PRIM2: variants seen among roughly 807,000 people sequenced by gnomAD.
PRIM2 encodes DNA primase subunit 2, also known as DNA primase large subunit.
In PRIM2, 39 loss-of-function variants were observed where a neutral mutation model predicts 67.3. That is an observed-to-expected ratio of 0.58 (90% CI 0.45 to 0.76). The LOEUF is 0.76. PRIM2 is among the 30% of genes least tolerant of loss of function. The pLI is 0.00. For missense variants in PRIM2, 398 were observed against 598.7 expected, an observed-to-expected ratio of 0.66 and a Z score of 3.50; for synonymous variants, 143 against 198.7, an observed-to-expected ratio of 0.72 and a Z score of 2.36.
chr6:57,459,876 A>C (rs1241178153), intron 7 of PRIM2, among the ~76,000 whole-genome samples: 1 of 152,184 alleles, frequency 6.6e-6, no homozygotes, highest in East Asian at 1.9e-4. Flanking sequence ...TATTTGACCA[A>C]CTAACTAGGC....
At chr6:57,514,779 G>T (rs1554348058) in intron 8 of PRIM2, among the ~76,000 whole-genome samples, 55 of 152,182 alleles carry the variant, frequency 3.6e-4, no homozygotes, top group South Asian at 1.0e-3. Flanking sequence ...ATGTACAAAA[G>T]AACTAATAGA....
chr6:57,434,503 T>C (rs1042327748), intron 7 of PRIM2, among the ~76,000 whole-genome samples: 18 of 152,070 alleles, frequency 1.2e-4, no homozygotes, highest in African/African-American at 4.1e-4. Context: ...AATTGACAAG[T>C]GATGCCATTC....
At chr6:57,243,766 C>T in the PRIM2 span, among the ~76,000 whole-genome samples, 1 of 152,156 alleles carries the variant, frequency 6.6e-6, no homozygotes, top group Non-Finnish European at 1.5e-5. Context: ...TGGGCCACAG[C>T]GCCTGGCCAG....
Position 57,537,453 on chromosome 6 carries a change from C to G in PRIM2, c.848C>G (p.Ser283Cys). The G allele has an allele frequency of 7.1e-7, 1 of 1,414,810 alleles. No individual in the cohort carries two copies. The highest frequency in any genetic ancestry group is 9.7e-7 in the Non-Finnish European group (1 of 1,028,786). 87.6% of individuals were successfully genotyped at this position (1,414,810 alleles called of 1,614,324 possible). ...TTTTTCTTGTAGCTTTCTACCAAATCCTTCCCACCTTGCATGCGTCAGTTA... is the reference window on the plus strand; with the variant it reads ...TTTTTCTTGTAGCTTTCTACCAAATGCTTCCCACCTTGCATGCGTCAGTTA... Reference protein sequence around the residue: ...LDQIDLLSTKSFPPCMRQLHK... With the variant: ...LDQIDLLSTKCFPPCMRQLHK... The change falls in exon 10 of 14, where the codon TCC becomes TGC. Residue 283 changes from serine to cysteine, a missense_variant. By Grantham distance (112) the Ser-to-Cys change is moderately radical. Coordinates refer to ENST00000615550, the MANE Select transcript of PRIM2 (RefSeq NM_000947.5).
At chr6:57,580,783 A>C (rs1776069407) in intron 10 of PRIM2, among the ~76,000 whole-genome samples, 1 of 152,232 alleles carries the variant, frequency 6.6e-6, no homozygotes, top group South Asian at 2.1e-4. Context: ...CTGAAATACC[A>C]AAGTGCCATA....
At chr6:57,270,882 T>G in the PRIM2 span, among the ~76,000 whole-genome samples, 1 of 152,126 alleles carries the variant, frequency 6.6e-6, no homozygotes, top group Admixed American at 6.5e-5. Flanking sequence ...TCTATTGAGA[T>G]AATCATGTGG....
chr6:57,341,977 G>T lies in PRIM2; in HGVS notation c.459+15932G>T, dbSNP rs73748714. On this transcript the variant is annotated intron_variant, in intron 5 of 13. Transcript: ENST00000615550. ...TCTTTTCGGTTTCCTCAATGCTGCA[G>T]TTGCTTTTATGTTGATCTACTTCTG... Among the ~76,000 whole-genome samples the T allele has an allele frequency of 2.0e-5, 3 of 152,200 alleles. No homozygotes were observed. The East Asian group carries it at 5.8e-4, about 29-fold the overall frequency.
At chr6:57,276,065 A>G in the PRIM2 span, among the ~76,000 whole-genome samples, 1 of 152,168 alleles carries the variant, frequency 6.6e-6, no homozygotes, top group Admixed American at 6.5e-5. Context: ...AAGTAGCAGT[A>G]GCATGCTAGA....
chr6:57,544,854 A>G (rs1472770471), intron 10 of PRIM2, among the ~76,000 whole-genome samples: 6 of 152,224 alleles, frequency 3.9e-5, no homozygotes, highest in African/African-American at 1.2e-4. Flanking sequence ...AAACTAATAC[A>G]TGGAAATTTC....
At chr6:57,308,023 C>T in the PRIM2 span, among the ~76,000 whole-genome samples, 48 of 152,152 alleles carry the variant, frequency 3.2e-4, no homozygotes, top group Admixed American at 5.9e-4. Context: ...TGTGATTCAT[C>T]CATGTCGATA....
chr6:57,590,127 C>A (rs1466999840), intron 10 of PRIM2, among the ~76,000 whole-genome samples: 1 of 152,210 alleles, frequency 6.6e-6, no homozygotes, highest in African/African-American at 2.4e-5. Context: ...TCAGAATCTT[C>A]ATCAAAATCT....
intron 7 of PRIM2, among the ~76,000 whole-genome samples, chr6:57,476,296 G>A (rs1263451143): frequency 3.3e-5 from 5 of 152,118 alleles, no homozygotes; most frequent in Admixed American, 1.3e-4. Flanking sequence ...GGTAAAATAC[G>A]TTCAGCTACC....
At chr6:57,291,909 T>G in the PRIM2 span, among the ~76,000 whole-genome samples, 1 of 152,178 alleles carries the variant, frequency 6.6e-6, no homozygotes, top group Admixed American at 6.5e-5. Context: ...AGGCAAAAAC[T>G]GGAAGCATTC....
intron 5 of PRIM2, among the ~76,000 whole-genome samples, chr6:57,362,206 C>T (rs1318203609): frequency 6.6e-6 from 1 of 152,046 alleles, no homozygotes; most frequent in African/African-American, 2.4e-5. Context: ...TCCCTTCACA[C>T]CAGGTAAAAA....
rs1554347823 is a variant in PRIM2 at position 57,512,700 on chromosome 6, C to T, written c.761+5246C>T. On this transcript the variant is annotated intron_variant, in intron 8 of 13. Coordinates refer to ENST00000615550, the MANE Select transcript of PRIM2 (RefSeq NM_000947.5). ...GCAACCTCCTCCTACTGGGTTCAAG[C>T]GATTCTTCTGCCTCAGCTTCCTAAG... 3.3e-4 allele frequency among the ~76,000 whole-genome samples: 50 copies of T among 152,198 alleles called. 1 individual carries two copies. The highest frequency in any genetic ancestry group is 1.2e-3 in the African/African-American group (48 of 41,520).
In PRIM2 at chr6:57,556,303, G is replaced by A. The variant is rs1311881374; in HGVS notation, c.1020+18678G>A. On this transcript the variant is annotated intron_variant, in intron 10 of 13. Coordinates refer to ENST00000615550, the MANE Select transcript of PRIM2 (RefSeq NM_000947.5). ...AACTAGAAAAACTATTTTAAAATTC[G>A]TATGGAACCAAAAAGGCCTTAGTAG... Among the ~76,000 whole-genome samples the A allele has an allele frequency of 4.6e-5, 7 of 152,116 alleles. No homozygotes were observed. The South Asian group carries it at 1.0e-3, about 23-fold the overall frequency.
intron 10 of PRIM2, among the ~76,000 whole-genome samples, chr6:57,550,793 C>A (rs1319088056): frequency 2.0e-5 from 3 of 152,118 alleles, no homozygotes; most frequent in Non-Finnish European, 4.4e-5. Flanking sequence ...TATGTATCTT[C>A]TTAAAAAGAT....
chr6:57,569,510 A>T (rs1245773697), intron 10 of PRIM2, among the ~76,000 whole-genome samples: 29 of 152,244 alleles, frequency 1.9e-4, no homozygotes, highest in African/African-American at 7.0e-4. Flanking sequence ...TAAAACCAAA[A>T]CACTGATAAC....
chr6:57,417,840 T>A (rs1264307577), intron 7 of PRIM2, among the ~76,000 whole-genome samples: 1 of 152,196 alleles, frequency 6.6e-6, no homozygotes, highest in African/African-American at 2.4e-5. Context: ...GACCTTCAAA[T>A]TGTGTTCAGT....
Sources: allele counts gnomAD v4.1 joint callset (sites outside exome capture counted in the v4.1 genomes callset), GRCh38; gene constraint gnomAD v4.1.1; transcripts MANE v1.5; gene names NCBI Gene and HGNC (gene_info 2026-07-23, HGNC 2026-07-21).